The following BMAL1 variants were observed in gnomAD, a reference collection of about 807,000 sequenced individuals.
BMAL1 encodes the protein basic helix-loop-helix ARNT-like protein 1.
chr11:13,284,150 ATATATATATG>A, the BMAL1 span, among the ~76,000 whole-genome samples: 13 of 65,222 alleles, frequency 2.0e-4, 3 homozygotes, highest in South Asian at 4.7e-4. Context: ...ATATGTGTAT[ATATATATATG>A]TGTGTATATA....
chr11:13,294,933 A>G, the BMAL1 span, among the ~76,000 whole-genome samples: 1 of 152,154 alleles, frequency 6.6e-6, no homozygotes, highest in South Asian at 2.1e-4. Context: ...AAGAGAGCAC[A>G]TTGCTGCCCT....
chr11:13,307,795 G>A, the BMAL1 span, among the ~76,000 whole-genome samples: 1 of 152,198 alleles, frequency 6.6e-6, no homozygotes, highest in Non-Finnish European at 1.5e-5. Flanking sequence ...AAATAGGTTG[G>A]GGAGAGGGAG....
the BMAL1 span, among the ~76,000 whole-genome samples, chr11:13,385,384 T>C: frequency 6.6e-6 from 1 of 152,198 alleles, no homozygotes; most frequent in Admixed American, 6.6e-5. Flanking sequence ...CTCATTGAAG[T>C]TTAGGCATTG....
chr11:13,283,457 G>T, the BMAL1 span, among the ~76,000 whole-genome samples: 1 of 152,316 alleles, frequency 6.6e-6, no homozygotes, highest in African/African-American at 2.4e-5. Flanking sequence ...CATGAGGCAG[G>T]TACTATTATC....
chr11:13,322,331 C>G, the BMAL1 span, among the ~76,000 whole-genome samples: 4 of 152,076 alleles, frequency 2.6e-5, no homozygotes, highest in Non-Finnish European at 5.9e-5. Context: ...CTCGCAACAC[C>G]CTGAGATACT....
chr11:13,380,128 T>C, the BMAL1 span: 7 of 152,006 alleles, frequency 4.6e-5, no homozygotes, highest in Non-Finnish European at 1.0e-4. Context: ...CCTGGGAAAA[T>C]AGTGGTTTCA....
At chr11:13,321,690 G>T in the BMAL1 span, among the ~76,000 whole-genome samples, 1 of 152,090 alleles carries the variant, frequency 6.6e-6, no homozygotes, top group Non-Finnish European at 1.5e-5. Context: ...GGGCCCCAGG[G>T]TCACACATCA....
chr11:13,284,180 G>C, the BMAL1 span, among the ~76,000 whole-genome samples: 1 of 21,140 alleles, frequency 4.7e-5, no homozygotes, highest in African/African-American at 1.5e-4. Flanking sequence ...ATATATATGT[G>C]TATATATATA....
At chr11:13,305,531 A>G in the BMAL1 span, among the ~76,000 whole-genome samples, 5 of 152,190 alleles carry the variant, frequency 3.3e-5, no homozygotes, top group Admixed American at 1.3e-4. Context: ...TGCATAGACA[A>G]TTGTATCACT....
chr11:13,383,071 G>C, the BMAL1 span, among the ~76,000 whole-genome samples: 1 of 152,316 alleles, frequency 6.6e-6, no homozygotes, highest in East Asian at 1.9e-4. Flanking sequence ...AAACAAGACA[G>C]TTAAAACTGA....
the BMAL1 span, among the ~76,000 whole-genome samples, chr11:13,351,793 C>G: frequency 1.3e-5 from 2 of 152,126 alleles, no homozygotes; most frequent in Non-Finnish European, 2.9e-5. Flanking sequence ...TTGGATCTAG[C>G]AGTGAGGAGG....
the BMAL1 span, chr11:13,373,986 A>G: frequency 1.1e-6 from 1 of 884,838 alleles, no homozygotes; most frequent in Non-Finnish European, 1.8e-6. Flanking sequence ...TTTTGCCTGC[A>G]GCTTTGACCT....
the BMAL1 span, among the ~76,000 whole-genome samples, chr11:13,361,287 C>A: frequency 1.3e-5 from 2 of 152,260 alleles, no homozygotes; most frequent in African/African-American, 4.8e-5. Flanking sequence ...GCACAAAGCT[C>A]TAAGTTGTGT....
chr11:13,326,830 G>GT, the BMAL1 span, among the ~76,000 whole-genome samples: 6 of 150,896 alleles, frequency 4.0e-5, no homozygotes, highest in East Asian at 2.0e-4. Context: ...GTTTTGTTTT[G>GT]TTTTTTTGAG....
the BMAL1 span, among the ~76,000 whole-genome samples, chr11:13,317,842 C>T: frequency 2.9e-3 from 439 of 152,326 alleles, 1 homozygote; most frequent in African/African-American, 9.9e-3. Flanking sequence ...TTAAAAAATA[C>T]GTAGATACTT....
chr11:13,331,752 C>T, the BMAL1 span, among the ~76,000 whole-genome samples: 2 of 152,188 alleles, frequency 1.3e-5, no homozygotes, highest in Admixed American at 6.5e-5. Context: ...GAACCTCTAT[C>T]TCTTTCTTGC....
the BMAL1 span, among the ~76,000 whole-genome samples, chr11:13,330,129 T>A: frequency 6.6e-6 from 1 of 152,052 alleles, no homozygotes; most frequent in Non-Finnish European, 1.5e-5. Context: ...GAACACGGAG[T>A]AATTATTTGA....
At chr11:13,335,759 C>T in the BMAL1 span, among the ~76,000 whole-genome samples, 15 of 152,182 alleles carry the variant, frequency 9.9e-5, no homozygotes, top group African/African-American at 3.6e-4. Context: ...TAGGTGCAAG[C>T]ATTTCATATA....
chr11:13,280,380 C>T, the BMAL1 span, among the ~76,000 whole-genome samples: 1 of 152,180 alleles, frequency 6.6e-6, no homozygotes, highest in African/African-American at 2.4e-5. Context: ...TGGAGAAGCA[C>T]CATAGAAAGA....
Sources: allele counts gnomAD v4.1 joint callset (sites outside exome capture counted in the v4.1 genomes callset), GRCh38; gene constraint gnomAD v4.1.1; transcripts MANE v1.5; gene names NCBI Gene and HGNC (gene_info 2026-07-23, HGNC 2026-07-21).